SLC35D2: variants seen among roughly 807,000 people sequenced by gnomAD.
The protein encoded by SLC35D2 is nucleotide sugar transporter SLC35D2.
Under a neutral mutation model 41.8 loss-of-function variants are expected in SLC35D2, and 43 were observed. The observed-to-expected ratio is 1.03, with a 90% CI of 0.81 to 1.33. The LOEUF is 1.33. Among genes scored for constraint, SLC35D2 ranks in the 40% most tolerant of loss-of-function variants. The probability of loss-of-function intolerance (pLI) is 0.00; values close to 1 mark genes in which losing one functional copy is unlikely to be tolerated. For missense variants in SLC35D2, 380 were observed against 408.4 expected (o/e 0.93, Z 0.60); for synonymous variants, 150 against 163.9 (o/e 0.92, Z 0.65).
intron 1 of SLC35D2, among the ~76,000 whole-genome samples, chr9:96,380,453 G>A (rs1286002127): frequency 1.3e-5 from 2 of 151,190 alleles, no homozygotes; most frequent in African/African-American, 4.9e-5. Flanking sequence ...TTCATTTTCT[G>A]GTATTTTTTC....
chr9:96,371,474 C>CTAAAAAAAA (rs1830675643), intron 1 of SLC35D2, among the ~76,000 whole-genome samples: 1 of 46,644 alleles, frequency 2.1e-5, no homozygotes, highest in Non-Finnish European at 3.8e-5. Flanking sequence ...GACTCTGTCT[C>CTAAAAAAAA]AAAAAAAAAA....
intron 1 of SLC35D2, chr9:96,373,976 A>G (rs1159015676): frequency 3.3e-5 from 5 of 152,254 alleles, no homozygotes; most frequent in Admixed American, 6.5e-5. Context: ...TTCAGAGTGC[A>G]GTGCTGTGAT....
rs541855217 is a variant in SLC35D2 at position 96,380,200 on chromosome 9, A to C, written c.158+3277T>G. ...GCGTGAGCCACCGCGCCCGGCCCTT[A>C]GAGCCTTTCTTAGGAGGTGTCTTAT... is the stretch of plus-strand genomic sequence containing the variant. On this transcript the variant is annotated intron_variant, in intron 1 of 11. Transcript: ENST00000253270. 6.0e-4 allele frequency among the ~76,000 whole-genome samples: 91 copies of C among 150,892 alleles called. 1 individual carries two copies. Among genetic ancestry groups the C allele is most frequent in the African/African-American group, 2.2e-3 (90 of 41,114 alleles).
rs186139409 is a variant in SLC35D2 at position 96,324,105 on chromosome 9, C to T, written c.817G>A (p.Val273Ile). ...YYNSALTTAV[V>I]GAIKNVSVAY... ...CATCCACTCACCTTGATGGCTCCAA[C>T]CACTGCTGTCGTCAGGGCTGAATTG... The change falls in exon 10 of 12, where the codon GTT (valine) becomes ATT (isoleucine). Residue 273 changes from valine (V) to isoleucine (I), a missense_variant. Coordinates refer to ENST00000253270, the MANE Select transcript of SLC35D2 (RefSeq NM_007001.3). The T allele has an allele frequency of 7.3e-4, 1,176 of 1,613,876 alleles. 7 individuals are homozygous for T. Among genetic ancestry groups the T allele is most frequent in the East Asian group, 3.3e-4 (15 of 44,864 alleles).
downstream of SLC35D2, among the ~76,000 whole-genome samples, chr9:96,317,868 C>T (rs942805120): frequency 1.0e-5 from 1 of 99,434 alleles, no homozygotes; most frequent in Non-Finnish European, 2.5e-5. Context: ...ACCAAAAATA[C>T]AAAAAAAAAA....
At chr9:96,362,834 C>T (rs1830328252) in intron 3 of SLC35D2, among the ~76,000 whole-genome samples, 1 of 150,050 alleles carries the variant, frequency 6.7e-6, no homozygotes, top group South Asian at 2.1e-4. Flanking sequence ...ATACTTCAAC[C>T]TTGTATTTTT....
At chr9:96,371,474 C>CAA (rs539576375) in intron 1 of SLC35D2, among the ~76,000 whole-genome samples, 505 of 46,610 alleles carry the variant, frequency 0.011, 48 homozygotes, top group African/African-American at 0.03. Flanking sequence ...GACTCTGTCT[C>CAA]AAAAAAAAAA....
At position 96,380,743 on chromosome 9, in the gene SLC35D2, G is replaced by A. The variant is rs373504476; in HGVS notation, c.158+2734C>T. 4.7e-3 allele frequency among the ~76,000 whole-genome samples: 716 copies of A among 152,056 alleles called. 5 individuals are homozygous for A. Among genetic ancestry groups the A allele is most frequent in the African/African-American group, 0.017 (690 of 41,492 alleles). ...CCACCTCAGGCTCCCGAAGTGCTGG[G>A]ATTACAGGTGTGAGCCACCGCGCCC... On this transcript the variant is annotated intron_variant, in intron 1 of 11. Transcript: ENST00000253270.
Position 96,343,923 on chromosome 9 carries a change from G to T in SLC35D2, c.665C>A (p.Ser222Tyr). Residue 222 changes from serine to tyrosine, a missense_variant, in exon 8 of 12, where the codon TCC becomes TAC. By Grantham distance (144) the Ser-to-Tyr change is moderately radical. Coordinates refer to ENST00000253270, the MANE Select transcript of SLC35D2 (RefSeq NM_007001.3). ...GCTCACCTGTTGCAGGTCTCCAGTG[G>T]AGACACTAATAATAAGAGTTGGGAT... ...MIIPTLIISV[S>Y]TGDLQQATEF... The T allele has an allele frequency of 6.3e-7, 1 of 1,584,338 alleles. No individual in the cohort carries two copies. The highest frequency in any genetic ancestry group is 1.2e-5 in the South Asian group (1 of 85,870).
intron 9 of SLC35D2, among the ~76,000 whole-genome samples, chr9:96,324,994 G>A (rs1828455899): frequency 6.6e-6 from 1 of 152,198 alleles, no homozygotes; most frequent in South Asian, 2.1e-4. Flanking sequence ...GAGGACCTCT[G>A]GTGTCAGAAG....
intron 11 of SLC35D2, among the ~76,000 whole-genome samples, chr9:96,315,643 C>T (rs547956497): frequency 2.0e-5 from 3 of 152,070 alleles, no homozygotes; most frequent in Admixed American, 1.3e-4. Context: ...CCATGTTAGC[C>T]GGGATGGTCT....
chr9:96,359,156 T>C (rs1213190253), intron 4 of SLC35D2, among the ~76,000 whole-genome samples: 1 of 151,626 alleles, frequency 6.6e-6, no homozygotes, highest in African/African-American at 2.4e-5. Flanking sequence ...TACAAAAAAT[T>C]AGCCGGGCAT....
At chr9:96,338,128 G>T in intron 8 of SLC35D2, among the ~76,000 whole-genome samples, 1 of 151,884 alleles carries the variant, frequency 6.6e-6, no homozygotes. Context: ...ATCCAAAAAC[G>T]ATCTGAAAGT....
chr9:96,350,893 C>CT, intron 6 of SLC35D2: 1 of 480,352 alleles, frequency 2.1e-6, no homozygotes, highest in Non-Finnish European at 3.7e-6. Context: ...GCAATGCTCT[C>CT]TTCATATATT....
chr9:96,330,268 C>G (rs1412044083), intron 9 of SLC35D2, among the ~76,000 whole-genome samples: 1 of 152,236 alleles, frequency 6.6e-6, no homozygotes, highest in African/African-American at 2.4e-5. Context: ...CCCACCTGGT[C>G]CACTCAGACT....
At chr9:96,316,289 T>G (rs913149506), downstream of SLC35D2, among the ~76,000 whole-genome samples, 1 of 152,010 alleles carries the variant, frequency 6.6e-6, no homozygotes, top group African/African-American at 2.4e-5. Flanking sequence ...TCATTTGAGG[T>G]CAGGAGTTCA....
At chr9:96,321,543 A>G (rs1828225906) in intron 11 of SLC35D2, among the ~76,000 whole-genome samples, 1 of 152,188 alleles carries the variant, frequency 6.6e-6, no homozygotes, top group Non-Finnish European at 1.5e-5. Context: ...AGAGTCATCA[A>G]ATCTAATGCA....
chr9:96,358,712 G>C (rs895617921), intron 4 of SLC35D2, among the ~76,000 whole-genome samples: 1 of 152,172 alleles, frequency 6.6e-6, no homozygotes, highest in Non-Finnish European at 1.5e-5. Flanking sequence ...GTTTAGGTTG[G>C]GTGTGGTGGC....
At chr9:96,378,096 A>G (rs1008869713) in intron 1 of SLC35D2, among the ~76,000 whole-genome samples, 1 of 152,186 alleles carries the variant, frequency 6.6e-6, no homozygotes, top group Admixed American at 6.5e-5. Context: ...TTTTATTAAA[A>G]AAAACCTCTC....
Sources: allele counts gnomAD v4.1 joint callset (sites outside exome capture counted in the v4.1 genomes callset), GRCh38; gene constraint gnomAD v4.1.1; transcripts MANE v1.5; gene names NCBI Gene and HGNC (gene_info 2026-07-23, HGNC 2026-07-21).